Variants in WDR33 observed in about 807,000 individuals in gnomAD.
WDR33 encodes pre-mRNA 3' end processing protein WDR33.
In WDR33, 47 loss-of-function variants were observed where a neutral mutation model predicts 164.9. That is an observed-to-expected ratio of 0.29 (90% CI 0.23 to 0.36). The LOEUF (loss-of-function observed/expected upper bound fraction) is 0.36. Among genes scored for constraint, WDR33 ranks in the 10% least tolerant of loss-of-function variants. The probability of loss-of-function intolerance (pLI) is 1.00; values close to 1 mark genes in which losing one functional copy is unlikely to be tolerated. For synonymous variants in WDR33, 505 were observed against 589.0 expected (o/e 0.86, Z 2.06); for missense variants, 1,137 against 1,754.1 (o/e 0.65, Z 6.28).
rs10203302 is a variant in WDR33, at chr2:127,810,495, T to C, written c.-24+517A>G. On this transcript the variant is annotated intron_variant, in intron 1 of 21. Coordinates refer to ENST00000322313, the MANE Select transcript of WDR33 (RefSeq NM_018383.5). ...AAACAGGGATCTAGCACAAACCAAA[T>C]AGAAATACAACTATTCCAAAAAAGC... Among the ~76,000 whole-genome samples, 1,078 of 152,276 alleles carry C rather than the reference T, an allele frequency of 7.1e-3. 10 individuals are homozygous for C. The highest frequency in any genetic ancestry group is 0.024 in the African/African-American group (1,014 of 41,536).
At chr2:127,772,588 C>G (rs1688046089) in intron 1 of WDR33, among the ~76,000 whole-genome samples, 1 of 152,102 alleles carries the variant, frequency 6.6e-6, no homozygotes, top group Non-Finnish European at 1.5e-5. Flanking sequence ...GAGGAATAAA[C>G]TACCTTATTT....
Position 127,742,096 on chromosome 2 carries a change from A to G in WDR33, c.725-15319T>C, listed in dbSNP as rs59446458. Among the ~76,000 whole-genome samples the G allele has an allele frequency of 2.0e-4, 31 of 152,158 alleles. No individual in the cohort carries two copies. In the East Asian group the frequency reaches 5.6e-3, roughly 28 times the overall value. The stretch of plus-strand genomic sequence containing the variant: ...GGGTGTCTGTAATCCCAGCCACTCC[A>G]GAGGCTGAGGCAGGAGAAACACTTG... On this transcript the variant is annotated intron_variant, in intron 7 of 21. Transcript: ENST00000322313.
At chr2:127,734,893 T>G (rs534730736) in intron 7 of WDR33, among the ~76,000 whole-genome samples, 1 of 152,300 alleles carries the variant, frequency 6.6e-6, no homozygotes, top group African/African-American at 2.4e-5. Flanking sequence ...ACACTTGAAA[T>G]AGCAAAGTGC....
chr2:127,741,192 A>G lies in WDR33; in HGVS notation c.725-14415T>C, dbSNP rs997993405. Reference sequence around the variant, plus strand: ...ACATTTGTTACAAAAAGCACATTTCAGTCTGGGAAGAAACCCTAGAGCAGG... The same window carrying G: ...ACATTTGTTACAAAAAGCACATTTCGGTCTGGGAAGAAACCCTAGAGCAGG... On this transcript the variant is annotated intron_variant, in intron 7 of 21. Transcript: ENST00000322313. The surrounding 1 kb of genome is among the most constrained non-coding windows in gnomAD (Gnocchi z 4.1). 4.6e-5 allele frequency among the ~76,000 whole-genome samples: 7 copies of G among 152,264 alleles called. No individual in the cohort carries two copies. The highest frequency in any genetic ancestry group is 8.8e-5 in the Non-Finnish European group (6 of 68,050).
chr2:127,780,646 T>C (rs1470427779), intron 1 of WDR33, among the ~76,000 whole-genome samples: 8 of 152,176 alleles, frequency 5.3e-5, no homozygotes, highest in African/African-American at 1.9e-4. Context: ...GGAGGATCAC[T>C]TGAGGCCAGG....
chr2:127,740,945 C>G (rs569380569), intron 7 of WDR33, among the ~76,000 whole-genome samples: 54 of 152,298 alleles, frequency 3.5e-4, no homozygotes, highest in African/African-American at 1.3e-3. Flanking sequence ...TCTCTAAAAA[C>G]AGATGGACCC....
intron 7 of WDR33, among the ~76,000 whole-genome samples, chr2:127,729,441 C>T (rs1686648796): frequency 6.6e-6 from 1 of 151,738 alleles, no homozygotes; most frequent in Non-Finnish European, 1.5e-5. Context: ...TACATAAAGA[C>T]TCAGTGAAGG....
Position 127,726,589 on chromosome 2 carries a change from T to G in WDR33, c.851+62A>C. On this transcript the variant is annotated intron_variant, in intron 8 of 21. Transcript: ENST00000322313. The surrounding 1 kb of genome is among the most constrained non-coding windows in gnomAD (Gnocchi z 4.8). ...CATAAGAGAAAACAAAGCTAAAAGT[T>G]AAAGGACACACTGCTTTGCTCCCCT... 1 of 1,579,000 alleles carries G rather than the reference T, an allele frequency of 6.3e-7. No homozygotes were observed. The highest frequency in any genetic ancestry group is 1.4e-5 in the African/African-American group (1 of 73,528).
intron 1 of WDR33, among the ~76,000 whole-genome samples, chr2:127,805,546 C>T (rs144525810): frequency 1.8e-4 from 27 of 152,168 alleles, no homozygotes; most frequent in African/African-American, 5.3e-4. Flanking sequence ...AAATATGGAA[C>T]GTTCTTTAAA....
Position 127,709,940 on chromosome 2 carries a change from A to T in WDR33, c.3309-84T>A, listed in dbSNP as rs1352107095. ...ATGTTTCAAAGAAGCATATGATATG[A>T]GAAAGCATGATACAATGTTAATTGG... is the stretch of plus-strand genomic sequence containing the variant. On this transcript the variant is annotated intron_variant, in intron 18 of 21. Coordinates refer to ENST00000322313, the MANE Select transcript of WDR33 (RefSeq NM_018383.5). The surrounding 1 kb of genome is among the most constrained non-coding windows in gnomAD (Gnocchi z 5.0). The T allele has an allele frequency of 6.7e-7, 1 of 1,484,088 alleles. No individual in the cohort carries two copies. 91.9% of individuals were successfully genotyped at this position (1,484,088 alleles called of 1,614,324 possible). A position where few individuals can be genotyped will look rare whatever the true frequency, so the allele number is the denominator to read the frequency against.
chr2:127,771,052 A>AC, intron 1 of WDR33, 48 bp from the exon 2 acceptor site: 1 of 1,390,784 alleles, frequency 7.2e-7, no homozygotes, highest in Admixed American at 2.1e-5. Flanking sequence ...GCACTGCAAC[A>AC]CTGCCTGAAA....
chr2:127,783,478 C>A (rs999969562), intron 1 of WDR33, among the ~76,000 whole-genome samples: 1 of 152,002 alleles, frequency 6.6e-6, no homozygotes, highest in Non-Finnish European at 1.5e-5. Context: ...GGTTTTCCTA[C>A]CCAGGTGATT....
At chr2:127,750,701 T>TAC (rs1687319615) in intron 7 of WDR33, among the ~76,000 whole-genome samples, 1 of 55,968 alleles carries the variant, frequency 1.8e-5, no homozygotes, top group African/African-American at 1.0e-4. Flanking sequence ...TATATATATA[T>TAC]ATATATATAT....
In WDR33 at chr2:127,709,636, A is replaced by G. The variant is rs1346775833; in HGVS notation, c.3473-54T>C. On this transcript the variant is annotated intron_variant, in intron 19 of 21. Coordinates refer to ENST00000322313, the MANE Select transcript of WDR33 (RefSeq NM_018383.5). The surrounding 1 kb of genome is among the most constrained non-coding windows in gnomAD (Gnocchi z 5.0). ...TCAGACTGTTCCTGGTGTATTCACA[A>G]CCAGTGTATTCTGCACCCTATCCTT... 1 of 1,613,202 alleles carries G rather than the reference A, an allele frequency of 6.2e-7. No homozygotes were observed. Among genetic ancestry groups the G allele is most frequent in the African/African-American group, 1.3e-5 (1 of 74,924 alleles).
rs1489520919 is a variant in WDR33 at position 127,765,079 on chromosome 2, C to A, written c.474+95G>T. 3.9e-6 allele frequency: 6 copies of A among 1,556,552 alleles called. No individual in the cohort carries two copies. In the East Asian group the frequency reaches 1.1e-4, roughly 29 times the overall value. On this transcript the variant is annotated intron_variant, in intron 5 of 21. Coordinates refer to ENST00000322313, the MANE Select transcript of WDR33 (RefSeq NM_018383.5). Reference sequence around the variant, plus strand: ...TAACTGACTCGAGGTAATAATTCGTCCCAATTCTAAGTTTAACAATGCCAA... The same window carrying A: ...TAACTGACTCGAGGTAATAATTCGTACCAATTCTAAGTTTAACAATGCCAA...
chr2:127,751,089 G>A (rs750405093), intron 7 of WDR33, among the ~76,000 whole-genome samples: 2 of 151,832 alleles, frequency 1.3e-5, no homozygotes, highest in African/African-American at 2.4e-5. Context: ...GGCAAGGCAC[G>A]GTGGCTCATG....
intron 7 of WDR33, among the ~76,000 whole-genome samples, chr2:127,727,535 G>C (rs1322370022): frequency 6.6e-6 from 1 of 151,960 alleles, no homozygotes; most frequent in Non-Finnish European, 1.5e-5. Flanking sequence ...AAGCCAGTCA[G>C]CAAGAACAGG....
chr2:127,736,914 T>C, intron 7 of WDR33: 10 of 985,400 alleles, frequency 1.0e-5, no homozygotes, highest in Non-Finnish European at 1.2e-5. Flanking sequence ...AGGCTGTATT[T>C]AGAAAAATCT....
chr2:127,802,730 GT>G (rs1483995512), intron 1 of WDR33, among the ~76,000 whole-genome samples: 2 of 152,088 alleles, frequency 1.3e-5, no homozygotes, highest in African/African-American at 4.8e-5. Context: ...TGTAATCCTA[GT>G]ATTTTGGGAG....
Sources: allele counts gnomAD v4.1 joint callset (sites outside exome capture counted in the v4.1 genomes callset), GRCh38; gene constraint gnomAD v4.1.1; non-coding constraint Gnocchi (gnomAD v3.1); transcripts MANE v1.5; gene names NCBI Gene and HGNC (gene_info 2026-07-23, HGNC 2026-07-21).